Variants in AK5 observed in about 807,000 individuals in gnomAD.
AK5 encodes adenylate kinase isoenzyme 5.
In AK5, 27 loss-of-function variants were observed where a neutral mutation model predicts 69.5. The observed-to-expected ratio is 0.39, with a 90% CI of 0.29 to 0.54. The LOEUF is 0.54. AK5 is among the 20% of genes least tolerant of loss of function. The probability of loss-of-function intolerance (pLI) is 0.71; values close to 1 mark genes in which losing one functional copy is unlikely to be tolerated. For synonymous variants in AK5, 260 were observed against 244.4 expected (o/e 1.06, Z -0.60); for missense variants, 531 against 700.4 (o/e 0.76, Z 2.73).
chr1:77,386,591 CA>C (rs1461848357), intron 6 of AK5, among the ~76,000 whole-genome samples: 1 of 152,100 alleles, frequency 6.6e-6, no homozygotes, highest in Non-Finnish European at 1.5e-5. Flanking sequence ...GATACCATGT[CA>C]GGGGAGGATT....
chr1:77,284,323 C>T (rs938293983), intron 1 of AK5, among the ~76,000 whole-genome samples: 1 of 152,088 alleles, frequency 6.6e-6, no homozygotes, highest in Non-Finnish European at 1.5e-5. Flanking sequence ...TGGATTTTGC[C>T]CACCACAATA....
intron 10 of AK5, among the ~76,000 whole-genome samples, chr1:77,499,175 A>G (rs1373692099): frequency 6.6e-6 from 1 of 152,188 alleles, no homozygotes; most frequent in Non-Finnish European, 1.5e-5. Flanking sequence ...CTCACAAAGT[A>G]TTTCCTTTCC....
intron 8 of AK5, among the ~76,000 whole-genome samples, chr1:77,426,883 C>T (rs1000084876): frequency 1.3e-5 from 2 of 152,084 alleles, no homozygotes; most frequent in African/African-American, 2.4e-5. Context: ...TTCTAAATAA[C>T]ACTTGGGTCA....
At chr1:77,475,193 ATATG>A (rs1363703976) in intron 8 of AK5, among the ~76,000 whole-genome samples, 75 of 10,288 alleles carry the variant, frequency 7.3e-3, no homozygotes, top group African/African-American at 0.011. Flanking sequence ...ATATATATAT[ATATG>A]TGTGTGTGTG....
At chr1:77,284,309 A>G (rs969778820) in intron 1 of AK5, among the ~76,000 whole-genome samples, 2 of 152,238 alleles carry the variant, frequency 1.3e-5, no homozygotes, top group African/African-American at 2.4e-5. Context: ...TTAGGTTTTT[A>G]AAATGGATTT....
chr1:77,521,701 T>C (rs1657993609), intron 11 of AK5, 126 bp from the exon 12 acceptor site: 3 of 645,308 alleles, frequency 4.6e-6, no homozygotes, highest in African/African-American at 1.8e-5. Context: ...ATATGGTCAA[T>C]TGCTGTCTGC....
chr1:77,323,289 G>A (rs935264024), intron 5 of AK5, among the ~76,000 whole-genome samples: 2 of 152,170 alleles, frequency 1.3e-5, no homozygotes, highest in Non-Finnish European at 2.9e-5. Context: ...AACGCACCCA[G>A]CCTGTTTTTC....
chr1:77,433,283 C>T (rs1651759849), intron 8 of AK5, among the ~76,000 whole-genome samples: 2 of 152,240 alleles, frequency 1.3e-5, no homozygotes, highest in East Asian at 3.9e-4. Context: ...ATAACATTCT[C>T]TCTATAGTCA....
At chr1:77,315,971 A>G (rs1171324370) in intron 5 of AK5, among the ~76,000 whole-genome samples, 2 of 152,150 alleles carry the variant, frequency 1.3e-5, no homozygotes, top group Non-Finnish European at 2.9e-5. Context: ...CACAAATTCA[A>G]ACTCCTGTCG....
intron 3 of AK5, among the ~76,000 whole-genome samples, chr1:77,296,805 T>C (rs952713536): frequency 2.6e-5 from 4 of 152,228 alleles, no homozygotes; most frequent in African/African-American, 4.8e-5. Flanking sequence ...ATTTTAATTT[T>C]ATTTTGCATA....
chr1:77,500,902 A>G (rs1656680780), intron 10 of AK5, among the ~76,000 whole-genome samples: 1 of 152,184 alleles, frequency 6.6e-6, no homozygotes, highest in Admixed American at 6.5e-5. Context: ...TACCCATCCC[A>G]GAACCTATAA....
In AK5 at chr1:77,398,417, C is replaced by T. The variant is rs564795308; in HGVS notation, c.892-12564C>T. Among the ~76,000 whole-genome samples, 307 of 152,094 alleles carry T rather than the reference C, an allele frequency of 2.0e-3. 1 individual carries two copies. Among genetic ancestry groups the T allele is most frequent in the African/African-American group, 7.1e-3 (295 of 41,486 alleles). The stretch of plus-strand genomic sequence containing the variant: ...TGAAATTTGACTTCTGAGGCTTTAA[C>T]GAATTTCTTTAGTTTGGAAGCTTTC... On this transcript the variant is annotated intron_variant, in intron 6 of 13. Transcript: ENST00000354567.
At chr1:77,426,296 C>T (rs74356613) in intron 8 of AK5, among the ~76,000 whole-genome samples, 4 of 152,034 alleles carry the variant, frequency 2.6e-5, no homozygotes, top group African/African-American at 4.8e-5. Context: ...AGCTCTACCA[C>T]GCTAACGCTA....
intron 8 of AK5, among the ~76,000 whole-genome samples, chr1:77,445,096 G>T (rs903281358): frequency 1.3e-5 from 2 of 152,080 alleles, no homozygotes; most frequent in Non-Finnish European, 2.9e-5. Flanking sequence ...CAATGAGCAT[G>T]GCAGTACAGA....
intron 8 of AK5, among the ~76,000 whole-genome samples, chr1:77,424,332 C>G (rs909609244): frequency 6.6e-6 from 1 of 152,052 alleles, no homozygotes; most frequent in African/African-American, 2.4e-5. Flanking sequence ...ATGATCATAG[C>G]TCACTGCAGC....
chr1:77,432,108 T>C (rs1357916957), intron 8 of AK5, among the ~76,000 whole-genome samples: 2 of 152,238 alleles, frequency 1.3e-5, no homozygotes, highest in Non-Finnish European at 2.9e-5. Flanking sequence ...GTTTTGTTTT[T>C]TTCTTGTTGA....
At chr1:77,539,107 G>A (rs1265300468) in intron 13 of AK5, among the ~76,000 whole-genome samples, 1 of 152,212 alleles carries the variant, frequency 6.6e-6, no homozygotes, top group Admixed American at 6.5e-5. Context: ...ATTGACTTAA[G>A]CTCAGCTGCT....
chr1:77,547,360 G>A (rs928938559), intron 13 of AK5, among the ~76,000 whole-genome samples: 36 of 129,844 alleles, frequency 2.8e-4, no homozygotes, highest in African/African-American at 8.8e-4. Flanking sequence ...TGCAACCTCC[G>A]CCTCCTGGGT....
intron 12 of AK5, among the ~76,000 whole-genome samples, chr1:77,528,499 T>G (rs1306266090): frequency 6.6e-6 from 1 of 152,226 alleles, no homozygotes; most frequent in Non-Finnish European, 1.5e-5. Flanking sequence ...GAGGATTTCC[T>G]TGGACACTGC....
Sources: allele counts gnomAD v4.1 joint callset (sites outside exome capture counted in the v4.1 genomes callset), GRCh38; gene constraint gnomAD v4.1.1; transcripts MANE v1.5; gene names NCBI Gene and HGNC (gene_info 2026-07-23, HGNC 2026-07-21).